Variants in AKR1E2 observed in about 807,000 individuals in gnomAD.
The protein encoded by AKR1E2 is aldo-keto reductase family 1 member E2, also known as 1,5-anhydro-D-fructose reductase.
Under a neutral mutation model 41.9 loss-of-function variants are expected in AKR1E2, and 43 were observed. That is an observed-to-expected ratio of 1.03 (90% CI 0.80 to 1.32). The LOEUF (loss-of-function observed/expected upper bound fraction) is 1.32. Among genes scored for constraint, AKR1E2 ranks in the 40% most tolerant of loss-of-function variants. The pLI, the probability that AKR1E2 is intolerant of heterozygous loss-of-function variation, is 0.00. For missense variants in AKR1E2, 423 were observed against 396.5 expected (o/e 1.07, Z -0.57); for synonymous variants, 121 against 138.9 (o/e 0.87, Z 0.91).
At position 4,832,525 on chromosome 10, in the gene AKR1E2, C is replaced by T. The variant is rs562440680; in HGVS notation, c.208-825C>T. 2.6e-5 allele frequency among the ~76,000 whole-genome samples: 4 copies of T among 151,782 alleles called. No individual in the cohort carries two copies. The East Asian group carries it at 7.8e-4, about 29-fold the overall frequency. ...AAGTTGCTTCTGTGTGGATCGTAGT[C>T]AGCAGTGGAAATATGTTCATTATTT... On this transcript the variant is annotated intron_variant, in intron 2 of 9. Transcript: ENST00000298375.
chr10:4,867,082 A>T, the AKR1E2 span, among the ~76,000 whole-genome samples: 1 of 152,166 alleles, frequency 6.6e-6, no homozygotes, highest in South Asian at 2.1e-4. Flanking sequence ...TGCTGTGGGA[A>T]AGGGCTGTTA....
the AKR1E2 span, among the ~76,000 whole-genome samples, chr10:4,872,875 G>A: frequency 6.6e-6 from 1 of 152,182 alleles, no homozygotes; most frequent in African/African-American, 2.4e-5. Context: ...TTTTAGATAA[G>A]TGACAGAGAA....
At chr10:4,847,086 C>G in intron 8 of AKR1E2, 62 bp from the exon 9 acceptor site, 1 of 1,578,580 alleles carries the variant, frequency 6.3e-7, no homozygotes, top group South Asian at 1.1e-5. Context: ...ATGTAGGTAA[C>G]ATGTGCTCCA....
In AKR1E2 at chr10:4,847,658, G is replaced by T. The variant is rs571264872; in HGVS notation, c.*128G>T. 243 of 1,079,502 alleles carry T rather than the reference G, an allele frequency of 2.3e-4. No homozygotes were observed. Among genetic ancestry groups the T allele is most frequent in the Middle Eastern group, 2.1e-4 (1 of 4,818 alleles). The allele number at this position is 1,079,502 out of a possible 1,614,324, so 66.9% of individuals were successfully genotyped here. On this transcript the variant is annotated 3_prime_UTR_variant, in exon 10 of 10. Coordinates refer to ENST00000298375, the MANE Select transcript of AKR1E2 (RefSeq NM_001040177.3). ...GACAGGAGCCACACAGTCAGAGGGG[G>T]ATGTAAGAGCCACCTTCTCTGACAA... is the stretch of plus-strand genomic sequence containing the variant.
chr10:4,825,888 C>A (rs1167805083), upstream of AKR1E2, among the ~76,000 whole-genome samples: 1 of 152,194 alleles, frequency 6.6e-6, no homozygotes, highest in Non-Finnish European at 1.5e-5. Context: ...CATATGCACC[C>A]GGTGCGAGGG....
At chr10:4,843,572 CT>C (rs1251044619) in intron 8 of AKR1E2, among the ~76,000 whole-genome samples, 1 of 152,222 alleles carries the variant, frequency 6.6e-6, no homozygotes, top group African/African-American at 2.4e-5. Context: ...CAAGGCACTG[CT>C]GCATCCTGAG....
chr10:4,850,698 C>A (rs908111004), downstream of AKR1E2, among the ~76,000 whole-genome samples: 1 of 152,136 alleles, frequency 6.6e-6, no homozygotes, highest in Non-Finnish European at 1.5e-5. Context: ...GCCTAATGAT[C>A]TGAGCATCTT....
the AKR1E2 span, among the ~76,000 whole-genome samples, chr10:4,861,257 T>C: frequency 1.3e-5 from 2 of 152,286 alleles, no homozygotes; most frequent in Middle Eastern, 3.4e-3. Context: ...AGAAAGAAGA[T>C]TTAATGTGTT....
the AKR1E2 span, among the ~76,000 whole-genome samples, chr10:4,870,997 T>G: frequency 6.6e-6 from 1 of 152,166 alleles, no homozygotes; most frequent in Non-Finnish European, 1.5e-5. Context: ...TTCTCCCTGT[T>G]GCTCCTCTTG....
At chr10:4,827,400 A>C (rs1832627822) in intron 1 of AKR1E2, among the ~76,000 whole-genome samples, 1 of 146,574 alleles carries the variant, frequency 6.8e-6, no homozygotes, top group Non-Finnish European at 1.5e-5. Context: ...GTGCGCAGTA[A>C]GTCTTAAAAG....
At chr10:4,848,201 C>A (rs1424783058), downstream of AKR1E2, 2 of 152,184 alleles carry the variant, frequency 1.3e-5, no homozygotes, top group East Asian at 3.8e-4. Flanking sequence ...CCTCAGCCCC[C>A]CAAGTAGCTG....
chr10:4,849,186 G>A (rs114976686), downstream of AKR1E2, among the ~76,000 whole-genome samples: 1 of 152,186 alleles, frequency 6.6e-6, no homozygotes, highest in African/African-American at 2.4e-5. Context: ...TTTCCAGGGA[G>A]AGTTTAATCA....
At chr10:4,856,830 T>A in the AKR1E2 span, among the ~76,000 whole-genome samples, 1 of 152,224 alleles carries the variant, frequency 6.6e-6, no homozygotes, top group Non-Finnish European at 1.5e-5. Flanking sequence ...GGACAATTTT[T>A]GCCTTGTTTT....
At chr10:4,850,419 A>G (rs1217489025), downstream of AKR1E2, among the ~76,000 whole-genome samples, 3 of 152,212 alleles carry the variant, frequency 2.0e-5, no homozygotes, top group Non-Finnish European at 1.5e-5. Context: ...GGAGGTGTGG[A>G]TGGGCATCAA....
In AKR1E2 at chr10:4,830,791, C is replaced by A. The variant is rs1485037539; in HGVS notation, c.156C>A (p.Cys52Ter). Residue 52 changes from cysteine to a stop codon, truncating the protein, a stop_gained, in exon 2 of 10, where the codon TGC becomes TGA. Transcript: ENST00000298375. LOFTEE classifies it high-confidence loss of function. ...NEREVGAGIR[C>*]KIKEGAVRRE... The stretch of plus-strand genomic sequence containing the variant: ...GGGAGGTTGGAGCAGGGATCCGTTG[C>A]AAGATCAAGGAAGGCGCTGTAAGAC... The A allele has an allele frequency of 1.9e-6, 3 of 1,613,980 alleles. No individual in the cohort carries two copies. The African/African-American group carries it at 4.0e-5, about 22-fold the overall frequency.
the AKR1E2 span, among the ~76,000 whole-genome samples, chr10:4,866,633 G>GTTTTT: frequency 3.0e-5 from 4 of 131,978 alleles, no homozygotes; most frequent in Non-Finnish European, 4.9e-5. Context: ...GCAGAGTTTT[G>GTTTTT]TTTTTGTTTT....
intron 8 of AKR1E2, among the ~76,000 whole-genome samples, chr10:4,843,981 A>G (rs960959754): frequency 6.6e-6 from 1 of 152,202 alleles, no homozygotes; most frequent in Non-Finnish European, 1.5e-5. Context: ...ACGAGACTGC[A>G]GGTCTCTTGT....
At chr10:4,834,045 C>G (rs1057066348) in intron 3 of AKR1E2, among the ~76,000 whole-genome samples, 8 of 152,242 alleles carry the variant, frequency 5.3e-5, no homozygotes, top group Admixed American at 6.5e-5. Flanking sequence ...CTTCCCTACT[C>G]TAGGCAACCT....
downstream of AKR1E2, among the ~76,000 whole-genome samples, chr10:4,849,501 G>A (rs569612862): frequency 6.6e-6 from 1 of 152,338 alleles, no homozygotes; most frequent in East Asian, 1.9e-4. Flanking sequence ...CTCCCACAGA[G>A]TCAAAAATCT....
Sources: gnomAD v4.1 joint callset for allele counts (sites outside exome capture counted in the v4.1 genomes callset) on GRCh38, gnomAD v4.1.1 for gene constraint, MANE v1.5 for transcripts, NCBI Gene and HGNC (gene_info 2026-07-23, HGNC 2026-07-21) for gene names.